Variants in AKR1C3 observed in about 807,000 individuals in gnomAD.
AKR1C3 encodes the protein aldo-keto reductase family 1 member C3, also known as 3-alpha hydroxysteroid dehydrogenase, type II.
In AKR1C3, 48 loss-of-function variants were observed where a neutral mutation model predicts 43.6. The observed-to-expected ratio is 1.10, with a 90% CI of 0.87 to 1.40. The LOEUF is 1.40. Among genes scored for constraint, AKR1C3 ranks in the 40% most tolerant of loss-of-function variants. AKR1C3 has a pLI of 0.00. For synonymous variants in AKR1C3, 162 were observed against 139.6 expected (o/e 1.16, Z -1.13); for missense variants, 482 against 391.2 (o/e 1.23, Z -1.96).
At chr10:5,088,081 A>G (rs1839012795) in intron 1 of AKR1C3, among the ~76,000 whole-genome samples, 1 of 152,162 alleles carries the variant, frequency 6.6e-6, no homozygotes, top group East Asian at 1.9e-4. Flanking sequence ...TTTACCCAAA[A>G]GTTGTTCAGG....
chr10:5,050,991 A>T (rs1838141295), intron 1 of AKR1C3, among the ~76,000 whole-genome samples: 1 of 152,212 alleles, frequency 6.6e-6, no homozygotes, highest in Admixed American at 6.5e-5. Context: ...AAGAGTTCCT[A>T]CTTTCCTTGG....
intron 1 of AKR1C3, among the ~76,000 whole-genome samples, chr10:5,079,107 T>C (rs962796908): frequency 1.3e-5 from 2 of 152,334 alleles, no homozygotes; most frequent in South Asian, 2.1e-4. Flanking sequence ...TGTTTTACTT[T>C]TGTGCCAGGT....
intron 4 of AKR1C3, 118 bp downstream of exon 4, chr10:5,098,997 C>G (rs1271893975): frequency 2.1e-6 from 2 of 937,560 alleles, no homozygotes; most frequent in African/African-American, 3.4e-5. Context: ...AGAAACTTTA[C>G]AAGAGTAGCT....
At chr10:5,094,675 C>A in intron 1 of AKR1C3, 147 bp downstream of exon 1, 1 of 814,172 alleles carries the variant, frequency 1.2e-6, no homozygotes, top group East Asian at 2.7e-5. Flanking sequence ...AAAAAGTAGG[C>A]AATCCTTGTT....
At position 5,096,477 on chromosome 10, in the gene AKR1C3, C is replaced by A. The variant is rs1839210313; in HGVS notation, c.152C>A (p.Ser51Tyr). The A allele has an allele frequency of 1.2e-6, 2 of 1,613,738 alleles. No homozygotes were observed. The highest frequency in any genetic ancestry group is 2.7e-5 in the African/African-American group (2 of 74,896). Residue 51 changes from serine to tyrosine, a missense_variant, in exon 2 of 9, where the codon TCT becomes TAT. Ser to Tyr is a moderately radical substitution (Grantham distance 144, BLOSUM62 -2). Transcript: ENST00000380554. ...GAAGCTGGGTTCCGCCATATAGATT[C>A]TGCTCATTTATACAATAATGAGGAG... ...AIEAGFRHIDSAHLYNNEEQV... is the reference protein window; with the variant it reads ...AIEAGFRHIDYAHLYNNEEQV...
intron 1 of AKR1C3, among the ~76,000 whole-genome samples, chr10:5,078,519 C>T (rs1056619130): frequency 6.6e-6 from 1 of 152,052 alleles, no homozygotes; most frequent in South Asian, 2.1e-4. Flanking sequence ...AAACTGCCAC[C>T]ACGAGTGCCA....
chr10:5,090,621 C>CA (rs201791547), upstream of AKR1C3, among the ~76,000 whole-genome samples: 101 of 152,214 alleles, frequency 6.6e-4, no homozygotes, highest in East Asian at 0.018. Flanking sequence ...GGAGAGGCTC[C>CA]ACCTTTCAGC....
At position 5,085,088 on chromosome 10, in the gene AKR1C3, G is replaced by T. The variant is rs1238468927; in HGVS notation, c.85-11322G>T. Among the ~76,000 whole-genome samples the T allele has an allele frequency of 5.9e-5, 9 of 152,022 alleles. No homozygotes were observed. The East Asian group carries it at 1.5e-3, about 26-fold the overall frequency. On this transcript the variant is annotated intron_variant, in intron 1 of 8. Transcript: ENST00000439082. ...CTTTATTTCCTTCTCCTGCCTGATT[G>T]CCCTGGCCAGAACTTCCAACACTGT...
At chr10:5,096,303 A>G in intron 1 of AKR1C3, 107 bp from the exon 2 acceptor site, 1 of 1,378,240 alleles carries the variant, frequency 7.3e-7, no homozygotes, top group Non-Finnish European at 9.8e-7. Flanking sequence ...TTCACCCCAC[A>G]TACAGACAGG....
At chr10:5,103,271 C>T (rs76527438) in intron 7 of AKR1C3, among the ~76,000 whole-genome samples, 2,254 of 152,170 alleles carry the variant, frequency 0.015, 73 homozygotes, top group African/African-American at 0.052. Context: ...TCCATTTCTT[C>T]GTACGCTCAG....
Position 5,094,822 on chromosome 10 carries a change from C to G in AKR1C3, c.84+294C>G, listed in dbSNP as rs543144138. 3.3e-5 allele frequency among the ~76,000 whole-genome samples: 5 copies of G among 152,258 alleles called. No homozygotes were observed. In the South Asian group the frequency reaches 1.0e-3, roughly 32 times the overall value. ...TATTGAAGAACACTGTTGGTCATCT[C>G]CCTCTGGTGGAGATTAATTGCAATA... On this transcript the variant is annotated intron_variant, in intron 1 of 8. Coordinates refer to ENST00000380554, the MANE Select transcript of AKR1C3 (RefSeq NM_003739.6).
intron 1 of AKR1C3, among the ~76,000 whole-genome samples, chr10:5,078,762 C>G (rs1206130384): frequency 6.6e-6 from 1 of 152,204 alleles, no homozygotes; most frequent in Non-Finnish European, 1.5e-5. Flanking sequence ...ATGCTGTTAT[C>G]TCTGCTTTGT....
At chr10:5,100,498 CCT>C (rs1491115438) in intron 5 of AKR1C3, among the ~76,000 whole-genome samples, 1 of 151,068 alleles carries the variant, frequency 6.6e-6, no homozygotes, top group Non-Finnish European at 1.5e-5. Flanking sequence ...AGGGATAAGT[CCT>C]TTTTTCCCCC....
chr10:5,073,221 C>T (rs1554781485), intron 1 of AKR1C3, among the ~76,000 whole-genome samples: 1 of 152,144 alleles, frequency 6.6e-6, no homozygotes, highest in Non-Finnish European at 1.5e-5. Context: ...CTCAGCCTCC[C>T]AAATTGCTGG....
chr10:5,072,777 T>TA, intron 1 of AKR1C3, among the ~76,000 whole-genome samples: 1 of 152,168 alleles, frequency 6.6e-6, no homozygotes, highest in East Asian at 1.9e-4. Flanking sequence ...AAGAATGTTA[T>TA]AAAAAATGGT....
chr10:5,080,605 T>G (rs145559546), intron 1 of AKR1C3: 1 of 151,720 alleles, frequency 6.6e-6, no homozygotes, highest in Non-Finnish European at 1.5e-5. Flanking sequence ...CCAGCCTGGG[T>G]GACAGACTGA....
chr10:5,093,226 G>A (rs1839134277), upstream of AKR1C3, among the ~76,000 whole-genome samples: 1 of 151,990 alleles, frequency 6.6e-6, no homozygotes. Context: ...AAATAAATAA[G>A]TTTATTTTAG....
intron 6 of AKR1C3, 82 bp downstream of exon 6, chr10:5,102,292 TTAAGTTTCA>T: frequency 6.3e-7 from 1 of 1,578,898 alleles, no homozygotes; most frequent in Non-Finnish European, 8.7e-7. Context: ...TTTCCTGTAG[TTAAGTTTCA>T]AGTGGCTCAT....
At chr10:5,088,436 A>G (rs1425244845) in intron 1 of AKR1C3, among the ~76,000 whole-genome samples, 1 of 151,956 alleles carries the variant, frequency 6.6e-6, no homozygotes. Flanking sequence ...GATGTCATTT[A>G]CTATTATTGT....
Sources: allele counts gnomAD v4.1 joint callset (sites outside exome capture counted in the v4.1 genomes callset), GRCh38; gene constraint gnomAD v4.1.1; transcripts MANE v1.5; gene names NCBI Gene and HGNC (gene_info 2026-07-23, HGNC 2026-07-21).